The following SETBP1 variants were observed in gnomAD, a reference collection of about 807,000 sequenced individuals.
The protein encoded by SETBP1 is SET binding protein 1.
A neutral mutation model predicts 101.0 loss-of-function variants in SETBP1; 9 were observed. That is an observed-to-expected ratio of 0.09 (90% confidence interval 0.05 to 0.16). SETBP1 has a LOEUF of 0.16. Among genes scored for constraint, SETBP1 ranks in the 10% least tolerant of loss-of-function variants. The probability of loss-of-function intolerance (pLI) is 1.00; values close to 1 mark genes in which losing one functional copy is unlikely to be tolerated. For synonymous variants in SETBP1, 818 were observed against 788.5 expected (o/e 1.04, Z -0.63); for missense variants, 1,858 against 2,033.8 (o/e 0.91, Z 1.66).
At chr18:44,783,874 C>A (rs1222845324) in intron 2 of SETBP1, among the ~76,000 whole-genome samples, 2 of 152,170 alleles carry the variant, frequency 1.3e-5, no homozygotes, top group African/African-American at 4.8e-5. Flanking sequence ...GGCACTAATT[C>A]TTTATATTAA....
At chr18:44,766,561 C>A (rs2070767232) in intron 2 of SETBP1, among the ~76,000 whole-genome samples, 1 of 152,088 alleles carries the variant, frequency 6.6e-6, no homozygotes, top group Admixed American at 6.6e-5. Context: ...AGGGGTTCTT[C>A]TTTTAACGTA....
At chr18:44,922,894 G>T (rs1382680679) in intron 3 of SETBP1, among the ~76,000 whole-genome samples, 2 of 152,152 alleles carry the variant, frequency 1.3e-5, no homozygotes, top group Non-Finnish European at 2.9e-5. Flanking sequence ...CACTTACAGA[G>T]ACCACTGTAT....
intron 3 of SETBP1, among the ~76,000 whole-genome samples, chr18:44,944,304 C>A (rs1002200291): frequency 2.0e-5 from 3 of 152,150 alleles, no homozygotes; most frequent in African/African-American, 4.8e-5. Context: ...TCCTAACAGG[C>A]CTATGGTGGT....
intron 3 of SETBP1, among the ~76,000 whole-genome samples, chr18:44,881,362 A>G (rs1476307064): frequency 6.6e-6 from 1 of 152,150 alleles, no homozygotes; most frequent in Non-Finnish European, 1.5e-5. Context: ...AGGAGACGGG[A>G]GGGTGCTGGC....
intron 2 of SETBP1, among the ~76,000 whole-genome samples, chr18:44,774,311 G>C (rs1046469260): frequency 2.6e-5 from 4 of 151,988 alleles, no homozygotes; most frequent in African/African-American, 9.7e-5. Flanking sequence ...ATACATTTCT[G>C]ACCTTGATCC....
At chr18:44,869,309 A>G in intron 3 of SETBP1, 26 bp downstream of exon 3, 1 of 1,606,460 alleles carries the variant, frequency 6.2e-7, no homozygotes, top group South Asian at 1.1e-5. Context: ...GCTTTTAAGA[A>G]GTTTGGAAGA....
At chr18:44,970,820 G>A (rs1421515890) in intron 4 of SETBP1, among the ~76,000 whole-genome samples, 1 of 151,930 alleles carries the variant, frequency 6.6e-6, no homozygotes, top group African/African-American at 2.4e-5. Context: ...CAAAGTGCTG[G>A]GATTACAGGC....
At chr18:44,729,027 T>C (rs1454258023) in intron 2 of SETBP1, among the ~76,000 whole-genome samples, 3 of 152,194 alleles carry the variant, frequency 2.0e-5, no homozygotes, top group Non-Finnish European at 2.9e-5. Flanking sequence ...CCCTAGGCAG[T>C]AGCTACTATT....
intron 4 of SETBP1, among the ~76,000 whole-genome samples, chr18:44,997,654 C>T (rs2072527332): frequency 6.6e-6 from 1 of 152,144 alleles, no homozygotes; most frequent in Admixed American, 6.6e-5. Flanking sequence ...ATTACTTAGT[C>T]TTCCAGGCCT....
At chr18:45,035,095 A>T (rs980964359) in intron 4 of SETBP1, among the ~76,000 whole-genome samples, 1 of 151,404 alleles carries the variant, frequency 6.6e-6, no homozygotes, top group Non-Finnish European at 1.5e-5. Context: ...TGCCCAATGC[A>T]CTCTCCCAAG....
chr18:44,869,239 G>A lies in SETBP1; in HGVS notation c.496G>A (p.Ala166Thr), dbSNP rs776309207. The A allele has an allele frequency of 1.9e-6, 3 of 1,613,918 alleles. No individual in the cohort carries two copies. Among genetic ancestry groups the A allele is most frequent in the Middle Eastern group, 3.3e-4 (2 of 6,058 alleles). Reference sequence around the variant, plus strand: ...CTTTATTCTTTTGCAGCTCCTCACAGCCAGTGACCTTGCAGCCAGTGACCT... The same window carrying A: ...CTTTATTCTTTTGCAGCTCCTCACAACCAGTGACCTTGCAGCCAGTGACCT... ...RSHSKKKLLT[A>T]SDLAASDLKG... The change falls in exon 3 of 6, where the codon GCC becomes ACC. Residue 166 changes from alanine (A) to threonine (T), a missense_variant. This residue lies in a region of SETBP1 where 581 missense variants were observed against 535.1 expected (regional missense o/e 1.09). Coordinates refer to ENST00000649279, the MANE Select transcript of SETBP1 (RefSeq NM_015559.3).
At chr18:44,775,820 C>T (rs1274656355) in intron 2 of SETBP1, among the ~76,000 whole-genome samples, 2 of 152,024 alleles carry the variant, frequency 1.3e-5, no homozygotes, top group Admixed American at 6.5e-5. Flanking sequence ...AGGGCCGTCT[C>T]ACTCATTGCC....
intron 4 of SETBP1, among the ~76,000 whole-genome samples, chr18:45,026,912 T>C (rs2073176485): frequency 2.0e-5 from 3 of 152,202 alleles, no homozygotes; most frequent in Non-Finnish European, 4.4e-5. Context: ...AGCTGGGTTC[T>C]GTGTGTATAT....
At chr18:44,989,848 G>C (rs1309369147) in intron 4 of SETBP1, among the ~76,000 whole-genome samples, 1 of 110,360 alleles carries the variant, frequency 9.1e-6, no homozygotes, top group Non-Finnish European at 1.7e-5. Context: ...CAGCCTGGGC[G>C]ACAGAGCGAG....
At chr18:44,927,109 G>C (rs576594902) in intron 3 of SETBP1, among the ~76,000 whole-genome samples, 1 of 152,140 alleles carries the variant, frequency 6.6e-6, no homozygotes, top group Non-Finnish European at 1.5e-5. Context: ...TTTAAGACTT[G>C]ATCTCTTCAT....
At chr18:45,026,773 C>T (rs12454061) in intron 4 of SETBP1, among the ~76,000 whole-genome samples, 99,663 of 152,064 alleles carry the variant, frequency 0.66, 33,414 homozygotes, top group South Asian at 0.81. Context: ...TGGTTCTGTC[C>T]ATCTGTGCTT....
At chr18:44,859,517 C>G (rs868230837) in intron 2 of SETBP1, among the ~76,000 whole-genome samples, 7 of 152,184 alleles carry the variant, frequency 4.6e-5, no homozygotes, top group Admixed American at 2.0e-4. Context: ...AGTTCTGCCA[C>G]TTTTTGCTGT....
At chr18:45,011,837 A>G (rs9959400) in intron 4 of SETBP1, among the ~76,000 whole-genome samples, 6,469 of 152,282 alleles carry the variant, frequency 0.042, 454 homozygotes, top group African/African-American at 0.15. Context: ...AGATGGAGAT[A>G]ATCTGAATTA....
At chr18:44,840,456 G>C (rs1337166272) in intron 2 of SETBP1, among the ~76,000 whole-genome samples, 1 of 152,206 alleles carries the variant, frequency 6.6e-6, no homozygotes, top group East Asian at 1.9e-4. Context: ...TCATGCAGTG[G>C]GATAAGGGAA....
Sources: gnomAD v4.1 joint callset for allele counts (sites outside exome capture counted in the v4.1 genomes callset) on GRCh38, gnomAD v4.1.1 for gene constraint, gnomAD v4.1.1 regional missense constraint, MANE v1.5 for transcripts, NCBI Gene and HGNC (gene_info 2026-07-23, HGNC 2026-07-21) for gene names.